The following CNTNAP2 variants were observed in gnomAD, a reference collection of about 807,000 sequenced individuals.
CNTNAP2 encodes the protein contactin associated protein 2.
In CNTNAP2, 98 loss-of-function variants were observed where a neutral mutation model predicts 155.2. The observed-to-expected ratio is 0.63, with a 90% CI of 0.54 to 0.75. The LOEUF (loss-of-function observed/expected upper bound fraction) is 0.75. Ranked by LOEUF, CNTNAP2 falls within the 30% of genes least tolerant of loss-of-function variation. The pLI is 0.00. For missense variants in CNTNAP2, 1,727 were observed against 1,688.1 expected, an observed-to-expected ratio of 1.02 and a Z score of -0.40; for synonymous variants, 651 against 631.2, an observed-to-expected ratio of 1.03 and a Z score of -0.47.
intron 8 of CNTNAP2, among the ~76,000 whole-genome samples, chr7:147,150,358 A>G (rs1438029537): frequency 1.3e-5 from 2 of 152,216 alleles, no homozygotes; most frequent in Non-Finnish European, 2.9e-5. Flanking sequence ...AGAGTACTGA[A>G]AGGAACAGGA....
intron 11 of CNTNAP2, among the ~76,000 whole-genome samples, chr7:147,540,110 T>C (rs750008061): frequency 2.8e-4 from 43 of 152,350 alleles, no homozygotes; most frequent in Non-Finnish European, 5.0e-4. Flanking sequence ...CTGCATTACT[T>C]TGAGACTTAA....
intron 14 of CNTNAP2, among the ~76,000 whole-genome samples, chr7:147,944,608 G>C (rs916962967): frequency 6.6e-6 from 1 of 152,160 alleles, no homozygotes; most frequent in Non-Finnish European, 1.5e-5. Flanking sequence ...ACAGTCAACT[G>C]TTATACATAA....
chr7:146,645,912 C>T (rs1799803527), intron 1 of CNTNAP2, among the ~76,000 whole-genome samples: 1 of 152,094 alleles, frequency 6.6e-6, no homozygotes, highest in Admixed American at 6.6e-5. Flanking sequence ...TGAGCAATTT[C>T]TTTTTTCCTG....
At chr7:146,442,181 T>C (rs1796329150) in intron 1 of CNTNAP2, among the ~76,000 whole-genome samples, 1 of 151,708 alleles carries the variant, frequency 6.6e-6, no homozygotes, top group Non-Finnish European at 1.5e-5. Flanking sequence ...TATATAAAAC[T>C]GTAAGCCACA....
chr7:147,300,074 G>A, intron 8 of CNTNAP2, 67 bp from the exon 9 acceptor site: 1 of 1,531,612 alleles, frequency 6.5e-7, no homozygotes, highest in South Asian at 1.1e-5. Flanking sequence ...GTGATTTGTT[G>A]ATTTTGGAAA....
intron 3 of CNTNAP2, among the ~76,000 whole-genome samples, chr7:146,862,528 T>G (rs906852852): frequency 6.6e-6 from 1 of 152,164 alleles, no homozygotes; most frequent in Non-Finnish European, 1.5e-5. Flanking sequence ...TGACACTCAA[T>G]GCAAAATATT....
chr7:147,750,366 T>C (rs574064361), intron 13 of CNTNAP2, among the ~76,000 whole-genome samples: 1 of 152,366 alleles, frequency 6.6e-6, no homozygotes, highest in South Asian at 2.1e-4. Flanking sequence ...CAGAATAACA[T>C]TAATCAAAAT....
chr7:146,970,552 C>T (rs1015447025), intron 3 of CNTNAP2, among the ~76,000 whole-genome samples: 2 of 152,082 alleles, frequency 1.3e-5, no homozygotes. Context: ...AATAAAAAGT[C>T]AGGAAACAAC....
chr7:148,007,473 A>G (rs141593232), intron 15 of CNTNAP2, among the ~76,000 whole-genome samples: 8 of 152,178 alleles, frequency 5.3e-5, no homozygotes, highest in African/African-American at 1.4e-4. Flanking sequence ...ATTTATGCAT[A>G]CTTCTGGCTG....
chr7:147,671,637 A>T (rs1188757358), intron 13 of CNTNAP2: 1 of 152,220 alleles, frequency 6.6e-6, no homozygotes, highest in Non-Finnish European at 1.5e-5. Flanking sequence ...AGCTAATAGC[A>T]CATAGAGCAT....
chr7:148,273,834 G>A (rs901971614), intron 21 of CNTNAP2, among the ~76,000 whole-genome samples: 3 of 152,170 alleles, frequency 2.0e-5, no homozygotes, highest in African/African-American at 4.8e-5. Flanking sequence ...GTGGCTAGTA[G>A]CCCCTATATT....
At chr7:146,726,106 G>T (rs796644237) in intron 1 of CNTNAP2, among the ~76,000 whole-genome samples, 1 of 152,072 alleles carries the variant, frequency 6.6e-6, no homozygotes, top group Non-Finnish European at 1.5e-5. Flanking sequence ...AAACCTCAAC[G>T]ATTACATTTT....
intron 1 of CNTNAP2, among the ~76,000 whole-genome samples, chr7:146,287,823 T>C (rs1166938037): frequency 6.6e-6 from 1 of 152,204 alleles, no homozygotes; most frequent in Non-Finnish European, 1.5e-5. Context: ...CATTTGAGCC[T>C]TGGAATTCTA....
At chr7:147,314,837 A>T (rs1021442903) in intron 9 of CNTNAP2, among the ~76,000 whole-genome samples, 1 of 151,180 alleles carries the variant, frequency 6.6e-6, no homozygotes, top group African/African-American at 2.4e-5. Flanking sequence ...TCAATGTTAT[A>T]TGTAGAAAAA....
chr7:147,786,707 C>T (rs1797745434), intron 13 of CNTNAP2, among the ~76,000 whole-genome samples: 1 of 152,114 alleles, frequency 6.6e-6, no homozygotes, highest in Non-Finnish European at 1.5e-5. Context: ...TTGGCACATG[C>T]CTGTAATCAC....
At chr7:148,207,845 C>T (rs1420831166) in intron 18 of CNTNAP2, among the ~76,000 whole-genome samples, 2 of 152,134 alleles carry the variant, frequency 1.3e-5, no homozygotes, top group South Asian at 2.1e-4. Context: ...CGCTTGTAAT[C>T]CCAGCACTTT....
chr7:146,864,466 G>A (rs1275234703), intron 3 of CNTNAP2, among the ~76,000 whole-genome samples: 2 of 152,140 alleles, frequency 1.3e-5, no homozygotes, highest in African/African-American at 4.8e-5. Flanking sequence ...ACTCACAGCT[G>A]ATGGATGCAG....
intron 8 of CNTNAP2, among the ~76,000 whole-genome samples, chr7:147,227,561 C>A (rs2132593): frequency 1.3e-5 from 2 of 151,836 alleles, no homozygotes; most frequent in Non-Finnish European, 2.9e-5. Context: ...CTGAATACGA[C>A]GTGTTAACAG....
chr7:146,662,617 T>G (rs1800112032), intron 1 of CNTNAP2, among the ~76,000 whole-genome samples: 1 of 152,240 alleles, frequency 6.6e-6, no homozygotes, highest in East Asian at 1.9e-4. Context: ...GTTTTAATTT[T>G]TATTTATCAG....
Sources: gnomAD v4.1 joint callset for allele counts (sites outside exome capture counted in the v4.1 genomes callset) on GRCh38, gnomAD v4.1.1 for gene constraint, MANE v1.5 for transcripts, NCBI Gene and HGNC (gene_info 2026-07-23, HGNC 2026-07-21) for gene names.